The following EFHC1 variants were observed in gnomAD, a reference collection of about 807,000 sequenced individuals.
EFHC1 encodes the protein EF-hand domain containing 1, also known as EF-hand domain-containing protein 1.
A neutral mutation model predicts 69.9 loss-of-function variants in EFHC1; 53 were observed. The ratio of observed to expected loss-of-function variants is 0.76; its 90% CI spans 0.61 to 0.95. The LOEUF (loss-of-function observed/expected upper bound fraction) is 0.95, where lower values mean the gene tolerates loss of function less well. Ranked by LOEUF, EFHC1 falls within the 40% of genes least tolerant of loss-of-function variation. EFHC1 has a pLI of 0.00. For synonymous variants in EFHC1, 256 were observed against 278.4 expected (o/e 0.92, Z 0.80); for missense variants, 739 against 798.7 (o/e 0.93, Z 0.90).
At chr6:52,422,459 TTTGTTTTTATG>T (rs1453633929) in intron 1 of EFHC1, among the ~76,000 whole-genome samples, 2 of 152,194 alleles carry the variant, frequency 1.3e-5, no homozygotes, top group African/African-American at 4.8e-5. Context: ...ATGTCATACA[TTTGTTTTTATG>T]GGTTATATAC....
At chr6:52,453,797 C>T in intron 4 of EFHC1, 1 of 1,286,118 alleles carries the variant, frequency 7.8e-7, no homozygotes, top group South Asian at 1.3e-5. Flanking sequence ...CTTCATTGCT[C>T]TTTTAATTTA....
At chr6:52,433,206 C>G (rs1017261429) in intron 2 of EFHC1, among the ~76,000 whole-genome samples, 7 of 152,000 alleles carry the variant, frequency 4.6e-5, no homozygotes, top group African/African-American at 1.2e-4. Context: ...TGGTTTCAAT[C>G]TATTGCTGGT....
chr6:52,448,124 C>A (rs532712679), intron 3 of EFHC1, among the ~76,000 whole-genome samples: 30 of 152,240 alleles, frequency 2.0e-4, no homozygotes, highest in South Asian at 6.2e-4. Flanking sequence ...TTTAAGTCTG[C>A]AGAAGTTTCT....
chr6:52,463,321 C>A (rs1168782311), intron 5 of EFHC1, among the ~76,000 whole-genome samples: 1 of 151,794 alleles, frequency 6.6e-6, no homozygotes, highest in Non-Finnish European at 1.5e-5. Flanking sequence ...TGTGCCCGGC[C>A]AAAACGAGCA....
rs745406233 is a variant in EFHC1, at chr6:52,492,325, G to A, written c.1907G>A (p.Arg636His). 52 of 1,613,766 alleles carry A rather than the reference G, an allele frequency of 3.2e-5. No homozygotes were observed. Among genetic ancestry groups the A allele is most frequent in the African/African-American group, 4.0e-5 (3 of 74,892 alleles). ...EGKINYYNFV[R>H]AFSN The stretch of plus-strand genomic sequence containing the variant: ...AAAATTAACTACTATAACTTTGTTC[G>A]TGCTTTCTCAAACTGACCTGCTGAT... The change falls in exon 11 of 11, where the codon CGT becomes CAT. Residue 636 changes from arginine to histidine, a missense_variant. Arg to His is a conservative substitution (Grantham distance 29). Transcript: ENST00000371068.
chr6:52,453,535 T>C (rs1217729592), intron 4 of EFHC1: 1 of 1,286,584 alleles, frequency 7.8e-7, no homozygotes, highest in Non-Finnish European at 1.0e-6. Context: ...CATGGTCTTT[T>C]AAGGATTTTG....
At chr6:52,487,495 A>C (rs527610305) in intron 9 of EFHC1, 1 of 152,286 alleles carries the variant, frequency 6.6e-6, no homozygotes, top group African/African-American at 2.4e-5. Context: ...TCTATTTTCA[A>C]CATGTCTTTG....
In EFHC1 at chr6:52,492,416, G is replaced by C. The variant is rs1330027398; in HGVS notation, c.*75G>C. 7.0e-7 allele frequency: 1 copy of C among 1,423,194 alleles called. No homozygotes were observed. The highest frequency in any genetic ancestry group is 2.3e-5 in the East Asian group (1 of 43,432). 88.2% of individuals were successfully genotyped at this position (1,423,194 alleles called of 1,614,324 possible). A position where few individuals can be genotyped will look rare whatever the true frequency, so the allele number is the denominator to read the frequency against. On this transcript the variant is annotated 3_prime_UTR_variant, in exon 11 of 11. Transcript: ENST00000371068. ...TGAAATACACCTTACACTCTTCATA[G>C]AGGCATTTACAGGGTTCCTGAAGTT...
Position 52,423,781 on chromosome 6 carries a change from T to TA in EFHC1, c.64-164dup. On this transcript the variant is annotated intron_variant, in intron 1 of 10. Transcript: ENST00000371068. ...TCAGCCTCCCAGAGTTCTGGGATTA[T>TA]AGGCACGAGCCACCATGCCCAGCCT... 2.0e-6 allele frequency: 3 copies of TA among 1,525,220 alleles called. No homozygotes were observed. The South Asian group carries it at 3.6e-5, about 18-fold the overall frequency. The allele number at this position is 1,525,220 out of a possible 1,614,324, so 94.5% of individuals were successfully genotyped here.
At position 52,464,969 on chromosome 6, in the gene EFHC1, G is replaced by A; in HGVS notation, c.991G>A (p.Val331Ile). ...ATGGTATACTGCTAAAGACTTCATTGTTGGGAAGTCACTCACTATCCTTGG... is the reference window on the plus strand; with the variant it reads ...ATGGTATACTGCTAAAGACTTCATTATTGGGAAGTCACTCACTATCCTTGG... The part of the protein sequence containing the change: ...LEWYTAKDFI[V>I]GKSLTILGRT... Residue 331 changes from valine to isoleucine, a missense_variant, in exon 6 of 11, where the codon GTT becomes ATT. Coordinates refer to ENST00000371068, the MANE Select transcript of EFHC1 (RefSeq NM_018100.4). The A allele has an allele frequency of 2.5e-6, 4 of 1,614,036 alleles. No homozygotes were observed. Among genetic ancestry groups the A allele is most frequent in the Non-Finnish European group, 2.5e-6 (3 of 1,179,948 alleles).
In EFHC1 at chr6:52,494,084, G is replaced by GT. The variant is rs1330006465; in HGVS notation, c.*1744dup. On this transcript the variant is annotated 3_prime_UTR_variant, in exon 11 of 11. Coordinates refer to ENST00000371068, the MANE Select transcript of EFHC1 (RefSeq NM_018100.4). ...CAGTCGCTCATAACTATTTAAAACAGTATCTCTTTCAAGTACAGATGCTCC... is the reference window on the plus strand; with the variant it reads ...CAGTCGCTCATAACTATTTAAAACAGTTATCTCTTTCAAGTACAGATGCTCC... 6.0e-6 allele frequency: 2 copies of GT among 336,012 alleles called. No homozygotes were observed. Among genetic ancestry groups the GT allele is most frequent in the African/African-American group, 1.0e-4 (2 of 19,506 alleles). The allele number at this position is 336,012 out of a possible 1,614,324, so 20.8% of individuals were successfully genotyped here. A position where few individuals can be genotyped will look rare whatever the true frequency, so the allele number is the denominator to read the frequency against.
At chr6:52,453,502 C>T (rs1205065531) in intron 4 of EFHC1, 1 of 1,286,028 alleles carries the variant, frequency 7.8e-7, no homozygotes, top group East Asian at 5.6e-5. Context: ...CCTTTTAGTT[C>T]AGAAAATGTA....
chr6:52,431,063 T>A (rs1182897259), intron 2 of EFHC1, among the ~76,000 whole-genome samples: 1 of 152,226 alleles, frequency 6.6e-6, no homozygotes, highest in Non-Finnish European at 1.5e-5. Flanking sequence ...TTGTTTCTAA[T>A]TGAGCTTATT....
chr6:52,471,011 G>A (rs941584905), intron 7 of EFHC1, among the ~76,000 whole-genome samples: 7 of 152,228 alleles, frequency 4.6e-5, no homozygotes, highest in Admixed American at 3.9e-4. Context: ...GTGTGTATGT[G>A]TATGTTTATG....
At chr6:52,470,279 T>A (rs990155049) in intron 7 of EFHC1, among the ~76,000 whole-genome samples, 3 of 152,136 alleles carry the variant, frequency 2.0e-5, no homozygotes, top group East Asian at 1.9e-4. Context: ...AAAAACAAAA[T>A]TTTTTAAGAA....
chr6:52,426,028 G>A (rs1052791089), intron 2 of EFHC1, among the ~76,000 whole-genome samples: 11 of 152,060 alleles, frequency 7.2e-5, no homozygotes, highest in African/African-American at 2.4e-4. Flanking sequence ...TATTTCTGAT[G>A]TTCTTCTTTC....
At chr6:52,426,649 A>G (rs1305053232) in intron 2 of EFHC1, among the ~76,000 whole-genome samples, 1 of 152,086 alleles carries the variant, frequency 6.6e-6, no homozygotes, top group Non-Finnish European at 1.5e-5. Flanking sequence ...CAAGTTCTGT[A>G]TGTCTCTAAC....
chr6:52,427,139 A>G (rs1474391801), intron 2 of EFHC1, among the ~76,000 whole-genome samples: 1 of 152,126 alleles, frequency 6.6e-6, no homozygotes. Context: ...CATCCTCACT[A>G]TTACCATAAA....
rs768087811 is a variant in EFHC1, at chr6:52,479,065, G to A, written c.1307G>A (p.Arg436His). The A allele has an allele frequency of 8.7e-6, 14 of 1,613,798 alleles. No homozygotes were observed. In the East Asian group the frequency reaches 8.9e-5, roughly 10 times the overall value. The change falls in exon 8 of 11, where the codon CGC (arginine) becomes CAC (histidine). Residue 436 changes from arginine to histidine, a missense_variant. Transcript: ENST00000371068. ...LESPIPEDKD[R>H]RFVFSYFLAT... is the part of the protein sequence containing the mutation. ...TCCCCCATCCCAGAAGACAAAGACC[G>A]CAGATTTGTCTTCTCTTACTTTCTA... is the stretch of plus-strand genomic sequence containing the variant.
Sources: allele counts gnomAD v4.1 joint callset (sites outside exome capture counted in the v4.1 genomes callset), GRCh38; gene constraint gnomAD v4.1.1; transcripts MANE v1.5; gene names NCBI Gene and HGNC (gene_info 2026-07-23, HGNC 2026-07-21).